The following KIAA1671 variants were observed in gnomAD, a reference collection of about 807,000 sequenced individuals.
KIAA1671 encodes uncharacterized protein KIAA1671.
A neutral mutation model predicts 131.2 loss-of-function variants in KIAA1671; 52 were observed. That is an observed-to-expected ratio of 0.40 (90% confidence interval 0.32 to 0.50). The LOEUF (loss-of-function observed/expected upper bound fraction) is 0.50. KIAA1671 is among the 20% of genes least tolerant of loss of function. The pLI is 0.73. For missense variants in KIAA1671, 2,360 were observed against 2,364.2 expected, an observed-to-expected ratio of 1.00 and a Z score of 0.04; for synonymous variants, 1,003 against 961.6, an observed-to-expected ratio of 1.04 and a Z score of -0.80.
intron 12 of KIAA1671, among the ~76,000 whole-genome samples, chr22:25,191,037 G>A (rs2146054829): frequency 1.3e-5 from 2 of 152,258 alleles, no homozygotes; most frequent in South Asian, 4.1e-4. Context: ...GCAGGTGACT[G>A]GGGCTCTGGT....
chr22:25,174,211 A>G, intron 7 of KIAA1671, 29 bp from the exon 8 acceptor site: 2 of 1,549,872 alleles, frequency 1.3e-6, no homozygotes, highest in East Asian at 2.4e-5. Flanking sequence ...CTCCATAACC[A>G]TGTCTCCCTT....
intron 5 of KIAA1671, among the ~76,000 whole-genome samples, chr22:25,044,504 C>T (rs1245516147): frequency 8.5e-5 from 13 of 152,270 alleles, no homozygotes; most frequent in Admixed American, 8.5e-4. Context: ...TGGATGCCTG[C>T]CTGGAGCACG....
At chr22:24,985,484 C>T (rs1034899462) in intron 1 of KIAA1671, among the ~76,000 whole-genome samples, 47 of 152,126 alleles carry the variant, frequency 3.1e-4, no homozygotes, top group Admixed American at 2.3e-3. Flanking sequence ...GGACTACAGG[C>T]GCCCGCCACC....
chr22:24,991,075 A>C (rs371368086), intron 1 of KIAA1671, among the ~76,000 whole-genome samples: 19 of 152,096 alleles, frequency 1.2e-4, no homozygotes, highest in African/African-American at 4.3e-4. Context: ...GCTGGAGTGC[A>C]GTAGCTTGAT....
At chr22:25,089,338 G>A (rs1463114919) in intron 6 of KIAA1671, among the ~76,000 whole-genome samples, 2 of 146,360 alleles carry the variant, frequency 1.4e-5, no homozygotes, top group African/African-American at 5.1e-5. Flanking sequence ...GCAGTGGCGC[G>A]ATCTCGGCTC....
chr22:25,041,068 C>T lies in KIAA1671; in HGVS notation c.3938C>T (p.Pro1313Leu). The T allele has an allele frequency of 8.5e-6, 13 of 1,534,282 alleles. No homozygotes were observed. Among genetic ancestry groups the T allele is most frequent in the Non-Finnish European group, 1.1e-5 (13 of 1,138,574 alleles). ...APSERYPGGS[P>L]IPADPRKKTG... is the part of the protein sequence containing the mutation. ...TCTGAAAGGTATCCAGGGGGCTCTC[C>T]TATACCTGCGGATCCCAGGAAAAAA... The change falls in exon 5 of 13, where the codon CCT becomes CTT. Residue 1313 changes from proline to leucine, a missense_variant. Pro to Leu is a moderately conservative substitution (Grantham distance 98). Coordinates refer to ENST00000358431, the MANE Select transcript of KIAA1671 (RefSeq NM_001145206.2).
In KIAA1671 at chr22:25,028,208, C is replaced by T; in HGVS notation, c.209C>T (p.Pro70Leu). The change falls in exon 3 of 13, where the codon CCC becomes CTC. Residue 70 changes from proline (P) to leucine (L), a missense_variant. By Grantham distance (98) the Pro-to-Leu change is moderately conservative. This residue lies in a region of KIAA1671 where 1,185 missense variants were observed against 1,126.2 expected (regional missense o/e 1.05). Coordinates refer to ENST00000358431, the MANE Select transcript of KIAA1671 (RefSeq NM_001145206.2). ...CCTCTGCCAAGGCTCGCCCCCAAAC[C>T]CTTCTCGAAGGAGCAGGACGTGAAA... ...LLPLPRLAPK[P>L]FSKEQDVKSP... 1.3e-6 allele frequency: 2 copies of T among 1,551,216 alleles called. No individual in the cohort carries two copies. The highest frequency in any genetic ancestry group is 1.7e-6 in the Non-Finnish European group (2 of 1,146,644).
chr22:25,161,162 A>C (rs190953545), intron 6 of KIAA1671, among the ~76,000 whole-genome samples: 3 of 149,668 alleles, frequency 2.0e-5, no homozygotes, highest in African/African-American at 7.4e-5. Flanking sequence ...CCTCCTTCCT[A>C]TTTACTGAGC....
chr22:25,069,838 TCA>T (rs1928711448), intron 6 of KIAA1671: 1 of 152,304 alleles, frequency 6.6e-6, no homozygotes, highest in African/African-American at 2.4e-5. Context: ...ACATTTGGGC[TCA>T]CACGCACAGC....
intron 6 of KIAA1671, among the ~76,000 whole-genome samples, chr22:25,170,589 C>T (rs962565787): frequency 5.3e-5 from 8 of 152,188 alleles, no homozygotes; most frequent in Admixed American, 3.9e-4. Context: ...CACTTCATCC[C>T]AGTTGGCCCA....
chr22:25,027,896 A>T (rs1164286514), intron 2 of KIAA1671, 49 bp from the exon 3 acceptor site: 25 of 907,834 alleles, frequency 2.8e-5, no homozygotes, highest in Non-Finnish European at 6.6e-6. Context: ...TTCAACCCAG[A>T]CACTGACTGT....
At chr22:24,962,300 G>A (rs1349079213) in intron 1 of KIAA1671, among the ~76,000 whole-genome samples, 1 of 152,240 alleles carries the variant, frequency 6.6e-6, no homozygotes, top group African/African-American at 2.4e-5. Context: ...TTGCCTGTCT[G>A]TAAAAGGGTC....
chr22:25,056,107 T>C (rs1927828347), intron 6 of KIAA1671: 1 of 147,648 alleles, frequency 6.8e-6, no homozygotes, highest in Non-Finnish European at 1.5e-5. Flanking sequence ...AACTCAAGTG[T>C]TCCTCCCACC....
rs1382760956 is a variant in KIAA1671, at chr22:25,086,953, G to A, written c.4530+37589G>A. On this transcript the variant is annotated intron_variant, in intron 6 of 12. Transcript: ENST00000358431. ...CCTAAAGTTACCATGTTCAGCACTG[G>A]CCAGGCCTGTTAACCCCCAAACAGC... 2.0e-5 allele frequency among the ~76,000 whole-genome samples: 3 copies of A among 152,270 alleles called. No individual in the cohort carries two copies. The East Asian group carries it at 5.8e-4, about 29-fold the overall frequency.
Position 25,039,034 on chromosome 22 carries a change from C to T in KIAA1671, c.1904C>T (p.Thr635Ile). 2 of 1,551,718 alleles carry T rather than the reference C, an allele frequency of 1.3e-6. No individual in the cohort carries two copies. The highest frequency in any genetic ancestry group is 1.2e-5 in the South Asian group (1 of 84,068). ...ADQSGRCLST[T>I]PPGDMAHARV... ...CAGTCGGGACGTTGTCTCTCCACCA[C>T]ACCCCCTGGTGACATGGCCCATGCC... is the stretch of plus-strand genomic sequence containing the variant. Residue 635 changes from threonine (T) to isoleucine (I), a missense_variant, in exon 5 of 13, where the codon ACA (threonine) becomes ATA (isoleucine). Thr to Ile is a moderately conservative substitution (Grantham distance 89). Around this residue, in one of 3 missense-constraint regions of KIAA1671, gnomAD observed 1,185 missense variants for 1,126.2 expected, o/e 1.05. Transcript: ENST00000358431.
At chr22:25,016,000 G>A (rs1925293720) in intron 1 of KIAA1671, among the ~76,000 whole-genome samples, 1 of 149,290 alleles carries the variant, frequency 6.7e-6, no homozygotes, top group Admixed American at 6.7e-5. Flanking sequence ...GACTTTTTAA[G>A]GAATCACAGG....
intron 6 of KIAA1671, among the ~76,000 whole-genome samples, chr22:25,093,732 C>G (rs55720339): frequency 9.0e-6 from 1 of 111,528 alleles, no homozygotes; most frequent in Non-Finnish European, 1.8e-5. Context: ...CACACACACA[C>G]ACACACTCTC....
chr22:24,968,337 G>T (rs2123809262), intron 1 of KIAA1671, among the ~76,000 whole-genome samples: 1 of 152,250 alleles, frequency 6.6e-6, no homozygotes. Flanking sequence ...CATGCCTGGA[G>T]GCTCTCTGGG....
chr22:25,087,617 C>T (rs1250609066), intron 6 of KIAA1671, among the ~76,000 whole-genome samples: 1 of 152,158 alleles, frequency 6.6e-6, no homozygotes, highest in Non-Finnish European at 1.5e-5. Flanking sequence ...ACAACAACAA[C>T]AAAAACAACT....
Sources: gnomAD v4.1 joint callset for allele counts (sites outside exome capture counted in the v4.1 genomes callset) on GRCh38, gnomAD v4.1.1 for gene constraint, gnomAD v4.1.1 regional missense constraint, MANE v1.5 for transcripts, NCBI Gene and HGNC (gene_info 2026-07-23, HGNC 2026-07-21) for gene names.